Variants in CYREN observed in about 807,000 individuals in gnomAD.
CYREN encodes cell cycle regulator of NHEJ, also known as cell cycle regulator of non-homologous end joining.
In CYREN, 7 loss-of-function variants were observed where a neutral mutation model predicts 9.7. The ratio of observed to expected loss-of-function variants is 0.72; its 90% CI spans 0.41 to 1.36. The LOEUF is 1.36. Ranked by LOEUF, CYREN falls within the 40% of genes most tolerant of loss-of-function variation. The pLI, the probability that CYREN is intolerant of heterozygous loss-of-function variation, is 0.01. For synonymous variants in CYREN, 76 were observed against 77.9 expected (o/e 0.98, Z 0.13); for missense variants, 215 against 198.1 (o/e 1.09, Z -0.51).
At chr7:135,115,703 AT>A (rs1826224005) in intron 2 of CYREN, 1 of 1,106,516 alleles carries the variant, frequency 9.0e-7, no homozygotes, top group African/African-American at 1.6e-5. Flanking sequence ...CGAAAAAAAA[AT>A]CTGCTCTTGA....
chr7:135,160,734 T>TA (rs1279088300), intron 2 of CYREN, among the ~76,000 whole-genome samples: 12 of 93,006 alleles, frequency 1.3e-4, no homozygotes, highest in East Asian at 5.1e-4. Flanking sequence ...ATTCGCTCAT[T>TA]TAAAAAAAAA....
At chr7:135,118,103 C>T (rs1826585488) in intron 2 of CYREN, among the ~76,000 whole-genome samples, 1 of 152,152 alleles carries the variant, frequency 6.6e-6, no homozygotes, top group Admixed American at 6.5e-5. Flanking sequence ...TTCCCTCTCC[C>T]TCTGTTTCCA....
rs1292158115 is a variant in CYREN at position 135,151,110 on chromosome 7, T to C, written n.356+17639A>G. ...ATGTTATAATCTCATGGTATAGTCC[T>C]ATTTTGTCTGATAAAGCTGTTTTAT... On this transcript the variant is annotated intron_variant and non_coding_transcript_variant, in intron 2 of 2. Transcript: ENST00000459937. This position sits in a 1 kb window ranked among gnomAD's most constrained non-coding sequence, Gnocchi z 4.3. 1.3e-5 allele frequency among the ~76,000 whole-genome samples: 2 copies of C among 152,238 alleles called. No individual in the cohort carries two copies. Among genetic ancestry groups the C allele is most frequent in the African/African-American group, 4.8e-5 (2 of 41,464 alleles).
exon 3 of CYREN, chr7:135,093,031 T>G (rs1219156703): frequency 8.4e-6 from 1 of 118,874 alleles, no homozygotes; most frequent in African/African-American, 2.9e-5. Flanking sequence ...AGAATCTTCC[T>G]CTACTAAAAA....
intron 2 of CYREN, among the ~76,000 whole-genome samples, chr7:135,154,089 A>G (rs1049084121): frequency 1.3e-5 from 2 of 151,832 alleles, no homozygotes; most frequent in Non-Finnish European, 2.9e-5. Context: ...GGATGTATCT[A>G]TTTCCTCTAG....
chr7:135,131,972 A>C (rs1337767501), intron 2 of CYREN, among the ~76,000 whole-genome samples: 1 of 152,150 alleles, frequency 6.6e-6, no homozygotes, highest in Non-Finnish European at 1.5e-5. Flanking sequence ...ACCCCAACTC[A>C]TTCAATATGA....
At chr7:135,096,588 G>GATAC (rs1554516654) in intron 2 of CYREN, among the ~76,000 whole-genome samples, 5 of 120,316 alleles carry the variant, frequency 4.2e-5, no homozygotes, top group African/African-American at 1.6e-4. Context: ...TAGATACATA[G>GATAC]ATAGATAGAT....
upstream of CYREN, among the ~76,000 whole-genome samples, chr7:135,171,459 C>T (rs1454903853): frequency 6.6e-6 from 1 of 152,108 alleles, no homozygotes; most frequent in Admixed American, 6.5e-5. Flanking sequence ...TTCATAGATT[C>T]CAGACATTCT....
Position 135,128,733 on chromosome 7 carries a change from A to G in CYREN, n.357-34151T>C. The G allele has an allele frequency of 2.9e-6, 4 of 1,384,224 alleles. No individual in the cohort carries two copies. The South Asian group carries it at 3.6e-5, about 13-fold the overall frequency. The allele number at this position is 1,384,224 out of a possible 1,614,324, so 85.7% of individuals were successfully genotyped here. On this transcript the variant is annotated intron_variant and non_coding_transcript_variant, in intron 2 of 2. Coordinates refer to the CYREN transcript ENST00000459937. Reference sequence around the variant, plus strand: ...TGATTCTCAGAAAAAAAGTGCAGAGAAGGACAGCTCAAGCCTCTCCCAACA... The same window carrying G: ...TGATTCTCAGAAAAAAAGTGCAGAGGAGGACAGCTCAAGCCTCTCCCAACA...
Position 135,165,944 on chromosome 7 carries a change from T to C in CYREN, c.*667A>G, listed in dbSNP as rs1430194221. The C allele has an allele frequency of 6.0e-6, 1 of 165,592 alleles. No homozygotes were observed. The highest frequency in any genetic ancestry group is 1.5e-5 in the Non-Finnish European group (1 of 68,178). The allele number at this position is 165,592 out of a possible 1,614,324, so 10.3% of individuals were successfully genotyped here. On this transcript the variant is annotated 3_prime_UTR_variant, in exon 4 of 4. Transcript: ENST00000393114. ...CCTCAGTGTCTCTTCTGGGCTCCTG[T>C]CCCTCTTGCTTTATAGCTAGCTGCC...
At chr7:135,144,102 G>T (rs1252575400) in intron 2 of CYREN, among the ~76,000 whole-genome samples, 1 of 152,204 alleles carries the variant, frequency 6.6e-6, no homozygotes, top group Admixed American at 6.5e-5. Context: ...AGAGGTCAGG[G>T]ACTCCCTTCC....
Position 135,166,653 on chromosome 7 carries a change from TTCC to T in CYREN, c.429_431del (p.Glu145del), listed in dbSNP as rs532367753. On this transcript the variant is annotated inframe_deletion, in exon 4 of 4. Coordinates refer to ENST00000393114, the MANE Select transcript of CYREN (RefSeq NM_024033.4). ...CCCGGACGTATTTCAGCACATCCTC[TTCC>T]TCCTCCTCCTCAGGGCTCCTGCTAC... The T allele has an allele frequency of 5.0e-6, 8 of 1,606,394 alleles. No individual in the cohort carries two copies. Among genetic ancestry groups the T allele is most frequent in the Admixed American group, 1.7e-5 (1 of 60,002 alleles).
intron 2 of CYREN, among the ~76,000 whole-genome samples, chr7:135,140,488 T>C (rs1829433326): frequency 2.0e-5 from 3 of 152,272 alleles, no homozygotes; most frequent in Non-Finnish European, 4.4e-5. Context: ...TTTCTAGGTA[T>C]AGAGTCATAT....
chr7:135,096,252 T>C (rs568043749), intron 2 of CYREN, among the ~76,000 whole-genome samples: 1 of 152,170 alleles, frequency 6.6e-6, no homozygotes, highest in African/African-American at 2.4e-5. Flanking sequence ...ATTGGGATCA[T>C]GTTTCCTAAG....
intron 2 of CYREN, among the ~76,000 whole-genome samples, chr7:135,138,635 G>T (rs1407325691): frequency 6.6e-6 from 1 of 152,052 alleles, no homozygotes. Context: ...ATAAAGGTTT[G>T]TTACATGGGT....
chr7:135,126,215 G>A (rs112238093), intron 2 of CYREN, among the ~76,000 whole-genome samples: 7,736 of 152,260 alleles, frequency 0.051, 262 homozygotes, highest in Non-Finnish European at 0.08. Flanking sequence ...CAGAATCAAT[G>A]TGCAAAAATC....
chr7:135,167,768 A>G lies in CYREN; in HGVS notation c.177T>C (p.Ala59=), dbSNP rs1830284685. The G allele has an allele frequency of 6.2e-7, 1 of 1,609,834 alleles. No individual in the cohort carries two copies. Among genetic ancestry groups the G allele is most frequent in the Non-Finnish European group, 8.5e-7 (1 of 1,176,102 alleles). Residue 59 remains alanine (A), a synonymous_variant, in exon 3 of 4, where the codon GCT becomes GCC. Transcript: ENST00000393114. ...ATRTVYCMNE[A]EIVDVALGIL... ...TTCCCAGAGCAACATCAACTATCTC[A>G]GCCTCATTCATGCAGTACACAGTCC...
chr7:135,132,617 G>A (rs1828930765), intron 2 of CYREN, among the ~76,000 whole-genome samples: 1 of 152,146 alleles, frequency 6.6e-6, no homozygotes, highest in African/African-American at 2.4e-5. Context: ...GCAGGGTCAG[G>A]TGGAGATAAT....
chr7:135,134,126 G>A (rs901255866), intron 2 of CYREN, among the ~76,000 whole-genome samples: 1 of 152,048 alleles, frequency 6.6e-6, no homozygotes, highest in African/African-American at 2.4e-5. Context: ...TGGGGGCAGT[G>A]TTCTCTATCT....
Sources: gnomAD v4.1 joint callset for allele counts (sites outside exome capture counted in the v4.1 genomes callset) on GRCh38, gnomAD v4.1.1 for gene constraint, Gnocchi (gnomAD v3.1) non-coding constraint, MANE v1.5 for transcripts, NCBI Gene and HGNC (gene_info 2026-07-23, HGNC 2026-07-21) for gene names.